The following UBE2F variants were observed in gnomAD, a reference collection of about 807,000 sequenced individuals.
The protein encoded by UBE2F is NEDD8-conjugating enzyme UBE2F.
In UBE2F, 5 loss-of-function variants were observed where a neutral mutation model predicts 29.6. The ratio of observed to expected loss-of-function variants is 0.17; its 90% CI spans 0.09 to 0.36. The LOEUF is 0.36. Ranked by LOEUF, UBE2F falls within the 10% of genes least tolerant of loss-of-function variation. The pLI, the probability that UBE2F is intolerant of heterozygous loss-of-function variation, is 1.00. For missense variants in UBE2F, 141 were observed against 228.5 expected, an observed-to-expected ratio of 0.62 and a Z score of 2.47; for synonymous variants, 66 against 81.8, an observed-to-expected ratio of 0.81 and a Z score of 1.04.
At chr2:237,976,836 G>T (rs1019868323) in intron 2 of UBE2F, among the ~76,000 whole-genome samples, 3 of 152,142 alleles carry the variant, frequency 2.0e-5, no homozygotes, top group Non-Finnish European at 4.4e-5. Flanking sequence ...TTGCCAGATT[G>T]ATCCTTCATT....
intron 4 of UBE2F, among the ~76,000 whole-genome samples, chr2:238,003,734 G>A (rs555232707): frequency 6.6e-6 from 1 of 152,232 alleles, no homozygotes; most frequent in Non-Finnish European, 1.5e-5. Flanking sequence ...TGTGGCACAG[G>A]CTTTTTATCT....
intron 6 of UBE2F, among the ~76,000 whole-genome samples, chr2:238,028,813 C>T (rs1452430376): frequency 1.3e-5 from 2 of 152,052 alleles, no homozygotes; most frequent in African/African-American, 4.8e-5. Flanking sequence ...TCAGAGGTAA[C>T]AATTATGGAT....
rs1236943641 is a variant in UBE2F, at chr2:238,025,390, G to C, written c.331G>C (p.Glu111Gln). ...LTKIWHPNIT[E>Q]TGEICLSLLR... ...CAAGATCTGGCACCCCAACATCACA[G>C]AGACAGGGGAAATATGTCTGAGGTG... The change falls in exon 6 of 10, where the codon GAG becomes CAG. Residue 111 changes from glutamate (E) to glutamine (Q), a missense_variant. Physicochemically the swap from Glu to Gln is conservative, Grantham distance 29. Transcript: ENST00000272930. 6.2e-7 allele frequency: 1 copy of C among 1,614,046 alleles called. No homozygotes were observed. The highest frequency in any genetic ancestry group is 1.7e-5 in the Admixed American group (1 of 60,016).
At chr2:238,032,172 T>C in intron 7 of UBE2F, 50 bp from the exon 8 acceptor site, 1 of 1,466,054 alleles carries the variant, frequency 6.8e-7, no homozygotes, top group South Asian at 1.1e-5. Flanking sequence ...TTTAAAAGAC[T>C]AGGTGCACTT....
chr2:238,014,704 C>T (rs2064116091), intron 4 of UBE2F, among the ~76,000 whole-genome samples: 1 of 152,178 alleles, frequency 6.6e-6, no homozygotes, highest in Non-Finnish European at 1.5e-5. Flanking sequence ...GAGTGGACTG[C>T]GTGGTTTGTA....
chr2:237,986,211 G>A (rs1340303665), intron 2 of UBE2F: 1 of 347,258 alleles, frequency 2.9e-6, no homozygotes, highest in African/African-American at 2.4e-5. Flanking sequence ...GCGCAGTGGT[G>A]TGGTCCCGGC....
At chr2:238,016,410 T>G (rs570330195) in intron 4 of UBE2F, 156 bp from the exon 5 acceptor site, 3 of 610,044 alleles carry the variant, frequency 4.9e-6, no homozygotes, top group Non-Finnish European at 5.7e-6. Flanking sequence ...TCCACCAGTG[T>G]GTGTGCATTT....
chr2:238,038,257 A>G (rs821504), intron 9 of UBE2F, among the ~76,000 whole-genome samples: 127,134 of 152,246 alleles, frequency 0.84, 53,190 homozygotes, highest in East Asian at 0.97. Context: ...CCAAGGAGGC[A>G]AGCTCTGTCC....
intron 7 of UBE2F, 119 bp downstream of exon 7, chr2:238,030,732 A>T: frequency 1.4e-6 from 1 of 736,356 alleles, no homozygotes. Context: ...CAGTGGCCGG[A>T]CACACCCTGC....
intron 2 of UBE2F, among the ~76,000 whole-genome samples, chr2:237,978,417 C>A (rs1215293512): frequency 1.3e-5 from 2 of 152,194 alleles, no homozygotes; most frequent in Non-Finnish European, 2.9e-5. Flanking sequence ...GGTATCTGCA[C>A]AACAGAGGCC....
At position 237,982,289 on chromosome 2, in the gene UBE2F, G is replaced by C. The variant is rs368133395; in HGVS notation, c.119-5674G>C. Among the ~76,000 whole-genome samples the C allele has an allele frequency of 1.0e-3, 156 of 152,196 alleles. 1 individual carries two copies. The highest frequency in any genetic ancestry group is 3.7e-3 in the African/African-American group (155 of 41,536). On this transcript the variant is annotated intron_variant, in intron 2 of 9. Transcript: ENST00000272930. This position sits in a 1 kb window ranked among gnomAD's most constrained non-coding sequence, Gnocchi z 4.1. Reference sequence around the variant, plus strand: ...CGCACCCCTATCCCCGTAGGAGAAGGGGCCTGGCTCTGTTGCCCATTTCTT... The same window carrying C: ...CGCACCCCTATCCCCGTAGGAGAAGCGGCCTGGCTCTGTTGCCCATTTCTT...
chr2:237,988,862 C>G (rs566975109), intron 3 of UBE2F, among the ~76,000 whole-genome samples: 5 of 152,306 alleles, frequency 3.3e-5, no homozygotes, highest in African/African-American at 1.2e-4. Flanking sequence ...CACTGCCTTG[C>G]TGCTGTCAGT....
chr2:237,992,771 C>T (rs550505585), intron 3 of UBE2F, among the ~76,000 whole-genome samples: 25 of 152,252 alleles, frequency 1.6e-4, no homozygotes, highest in African/African-American at 5.1e-4. Flanking sequence ...TAATTGAGGA[C>T]GTTGGACTAG....
chr2:238,003,384 T>C, intron 4 of UBE2F: 1 of 471,062 alleles, frequency 2.1e-6, no homozygotes, highest in Non-Finnish European at 4.4e-6. Flanking sequence ...GCTGGTGTGA[T>C]GCTTCTTTGC....
intron 9 of UBE2F, among the ~76,000 whole-genome samples, chr2:238,038,594 G>A (rs2064772122): frequency 6.6e-6 from 1 of 152,236 alleles, no homozygotes; most frequent in Non-Finnish European, 1.5e-5. Context: ...GTGGAGAGAT[G>A]TCTTCCATTT....
intron 2 of UBE2F, among the ~76,000 whole-genome samples, chr2:237,983,409 A>C (rs541041850): frequency 1.4e-4 from 21 of 152,166 alleles, no homozygotes; most frequent in African/African-American, 4.3e-4. Flanking sequence ...GTCTGTCTTC[A>C]CCTTTGGTGC....
At chr2:237,975,827 C>G (rs912583729) in intron 2 of UBE2F, among the ~76,000 whole-genome samples, 1 of 151,940 alleles carries the variant, frequency 6.6e-6, no homozygotes, top group Admixed American at 6.5e-5. Flanking sequence ...TTAGTAGAGA[C>G]GGGGTTTCAA....
chr2:238,037,659 G>A (rs2064744662), intron 9 of UBE2F, among the ~76,000 whole-genome samples: 1 of 152,258 alleles, frequency 6.6e-6, no homozygotes, highest in Middle Eastern at 3.4e-3. Context: ...AGGCTGGAGT[G>A]CAGTGGTGCA....
intron 5 of UBE2F, 78 bp from the exon 6 acceptor site, chr2:238,025,264 A>G: frequency 8.2e-7 from 1 of 1,219,330 alleles, no homozygotes; most frequent in Non-Finnish European, 1.2e-6. Context: ...TAGATAGGGG[A>G]TGTGGTAAGG....
Sources: gnomAD v4.1 joint callset for allele counts (sites outside exome capture counted in the v4.1 genomes callset) on GRCh38, gnomAD v4.1.1 for gene constraint, Gnocchi (gnomAD v3.1) non-coding constraint, MANE v1.5 for transcripts, NCBI Gene and HGNC (gene_info 2026-07-23, HGNC 2026-07-21) for gene names.